The following MATN2 variants were observed in gnomAD, a reference collection of about 807,000 sequenced individuals.
MATN2 encodes the protein matrilin-2.
Under a neutral mutation model 103.2 loss-of-function variants are expected in MATN2, and 69 were observed. That is an observed-to-expected ratio of 0.67 (90% CI 0.55 to 0.82). The LOEUF is 0.82. Ranked by LOEUF, MATN2 falls within the 40% of genes least tolerant of loss-of-function variation. MATN2 has a pLI of 0.00. For missense variants in MATN2, 1,023 were observed against 1,211.5 expected, an observed-to-expected ratio of 0.84 and a Z score of 2.31; for synonymous variants, 429 against 450.2, an observed-to-expected ratio of 0.95 and a Z score of 0.60.
chr8:97,979,058 G>T (rs777495156), intron 6 of MATN2, 50 bp downstream of exon 6: 3 of 1,552,508 alleles, frequency 1.9e-6, no homozygotes, highest in South Asian at 2.5e-5. Context: ...TGTTACTGCT[G>T]TGGTGACTGT....
At chr8:97,888,003 C>G in intron 1 of MATN2, 72 bp from the exon 2 acceptor site, 4 of 1,425,368 alleles carry the variant, frequency 2.8e-6, no homozygotes, top group Non-Finnish European at 3.8e-6. Context: ...GGGCAGCGGG[C>G]CTGCAGCTCC....
intron 4 of MATN2, among the ~76,000 whole-genome samples, chr8:97,945,717 A>AAAAATATATATATATAT (rs59472539): frequency 7.4e-4 from 90 of 121,784 alleles, no homozygotes; most frequent in African/African-American, 2.7e-3. Context: ...AAAAAAAAAA[A>AAAAATATATATATATAT]ATATATATAT....
rs568158267 is a variant in MATN2, at chr8:97,923,781, T to G, written c.143-7172T>G. 2.8e-4 allele frequency among the ~76,000 whole-genome samples: 42 copies of G among 152,262 alleles called. No individual in the cohort carries two copies. The East Asian group carries it at 4.6e-3, about 17-fold the overall frequency. On this transcript the variant is annotated intron_variant, in intron 2 of 18. Coordinates refer to ENST00000254898, the MANE Select transcript of MATN2 (RefSeq NM_002380.5). ...CATATTGGCCAGGCTGATCTCAAAC[T>G]CCTAACCTCAAGTGATCCAACCGCC...
At chr8:97,916,429 T>C (rs144911998) in intron 2 of MATN2, among the ~76,000 whole-genome samples, 3,692 of 152,308 alleles carry the variant, frequency 0.024, 58 homozygotes, top group Middle Eastern at 0.058. Context: ...TGCAGGTTTG[T>C]TATGTAGGTA....
At chr8:97,873,241 T>C (rs1817958720) in intron 1 of MATN2, among the ~76,000 whole-genome samples, 1 of 152,190 alleles carries the variant, frequency 6.6e-6, no homozygotes, top group African/African-American at 2.4e-5. Context: ...GAAAGAAATA[T>C]TAGAGTATTA....
chr8:98,033,967 CTAGGAAGGT>C (rs1814142405), intron 18 of MATN2, among the ~76,000 whole-genome samples: 1 of 152,010 alleles, frequency 6.6e-6, no homozygotes, highest in Admixed American at 6.5e-5. Flanking sequence ...TCCGTCTCTG[CTAGGAAGGT>C]GTGTAGGACA....
chr8:97,996,011 A>G (rs1021847844), intron 7 of MATN2, among the ~76,000 whole-genome samples: 8 of 152,190 alleles, frequency 5.3e-5, no homozygotes, highest in African/African-American at 1.9e-4. Context: ...ACCTTTTGCT[A>G]GGAGTGGGTG....
At position 98,027,562 on chromosome 8, in the gene MATN2, C is replaced by T; in HGVS notation, c.2089C>T (p.Leu697Phe). Residue 697 changes from leucine to phenylalanine, a missense_variant, in exon 14 of 19, where the codon CTC becomes TTC. Coordinates refer to ENST00000254898, the MANE Select transcript of MATN2 (RefSeq NM_002380.5). ...ISPKAARVGL[L>F]QYSTQVHTEF... The stretch of plus-strand genomic sequence containing the variant: ...CCCCAAAGCCGCTCGAGTGGGGCTG[C>T]TCCAGTATTCCACACAGGTCCACAC... 1 of 1,613,916 alleles carries T rather than the reference C, an allele frequency of 6.2e-7. No individual in the cohort carries two copies.
At chr8:97,877,434 G>A (rs999755660) in intron 1 of MATN2, among the ~76,000 whole-genome samples, 1 of 151,694 alleles carries the variant, frequency 6.6e-6, no homozygotes, top group East Asian at 2.0e-4. Flanking sequence ...TCGAGATCGC[G>A]CCATTGCATT....
intron 3 of MATN2, among the ~76,000 whole-genome samples, chr8:97,940,411 G>A (rs1810514199): frequency 6.6e-6 from 1 of 152,180 alleles, no homozygotes; most frequent in African/African-American, 2.4e-5. Context: ...AACTTTCCTA[G>A]TGATATTTGT....
intron 5 of MATN2, among the ~76,000 whole-genome samples, chr8:97,966,715 G>C (rs1335004045): frequency 6.6e-6 from 1 of 152,166 alleles, no homozygotes; most frequent in Non-Finnish European, 1.5e-5. Context: ...CTGTAGTCAG[G>C]AAGCAGCATA....
chr8:97,965,561 C>T (rs935617535), intron 5 of MATN2, among the ~76,000 whole-genome samples: 8 of 152,180 alleles, frequency 5.3e-5, no homozygotes, highest in African/African-American at 1.9e-4. Context: ...AGGCCAGGTA[C>T]CGTGGCACAT....
At chr8:98,017,042 A>C (rs987215519) in intron 11 of MATN2, among the ~76,000 whole-genome samples, 5 of 152,230 alleles carry the variant, frequency 3.3e-5, no homozygotes, top group African/African-American at 1.2e-4. Flanking sequence ...AAAAATGGAC[A>C]AACAAAAAAA....
intron 2 of MATN2, among the ~76,000 whole-genome samples, chr8:97,901,705 G>A (rs906461879): frequency 2.0e-5 from 3 of 152,224 alleles, no homozygotes; most frequent in Non-Finnish European, 4.4e-5. Context: ...CTCACCACCA[G>A]TCAGGCTTTA....
chr8:97,945,717 A>AAAAAATATATAT (rs59472539), intron 4 of MATN2, among the ~76,000 whole-genome samples: 52 of 121,804 alleles, frequency 4.3e-4, no homozygotes, highest in Admixed American at 1.7e-3. Context: ...AAAAAAAAAA[A>AAAAAATATATAT]ATATATATAT....
At chr8:97,918,414 C>T (rs1809704593) in intron 2 of MATN2, among the ~76,000 whole-genome samples, 1 of 152,216 alleles carries the variant, frequency 6.6e-6, no homozygotes, top group African/African-American at 2.4e-5. Flanking sequence ...AAGTCCAAGT[C>T]ATGACCTCAA....
At chr8:97,880,041 A>G (rs1052209304) in intron 1 of MATN2, among the ~76,000 whole-genome samples, 6 of 151,376 alleles carry the variant, frequency 4.0e-5, no homozygotes, top group Admixed American at 3.3e-4. Flanking sequence ...AAAACTATTG[A>G]GCCTGATGTC....
intron 3 of MATN2, among the ~76,000 whole-genome samples, chr8:97,938,045 A>G (rs1810435351): frequency 6.6e-6 from 1 of 152,092 alleles, no homozygotes. Context: ...TCTGCCTCAC[A>G]TCTCCTGTCT....
At chr8:97,919,718 A>G (rs1809750055) in intron 2 of MATN2, among the ~76,000 whole-genome samples, 1 of 148,002 alleles carries the variant, frequency 6.8e-6, no homozygotes, top group African/African-American at 2.5e-5. Context: ...TGTACACACC[A>G]AAGGGAATAA....
Sources: gnomAD v4.1 joint callset for allele counts (sites outside exome capture counted in the v4.1 genomes callset) on GRCh38, gnomAD v4.1.1 for gene constraint, MANE v1.5 for transcripts, NCBI Gene and HGNC (gene_info 2026-07-23, HGNC 2026-07-21) for gene names.